The following FAM83A variants were observed in gnomAD, a reference collection of about 807,000 sequenced individuals.
FAM83A encodes protein FAM83A.
In FAM83A, 21 loss-of-function variants were observed where a neutral mutation model predicts 24.4. That is an observed-to-expected ratio of 0.86 (90% CI 0.61 to 1.24). FAM83A has a LOEUF of 1.24. FAM83A is among the 50% of genes most tolerant of loss of function. The pLI, the probability that FAM83A is intolerant of heterozygous loss-of-function variation, is 0.00. For missense variants in FAM83A, 617 were observed against 579.8 expected (o/e 1.06, Z -0.66); for synonymous variants, 270 against 252.4 (o/e 1.07, Z -0.66).
At chr8:123,207,105 T>TCCCCATCCTTCCCCC (rs1824577710) in intron 3 of FAM83A, 52 bp from the exon 4 acceptor site, 1 of 240,160 alleles carries the variant, frequency 4.2e-6, no homozygotes, top group Non-Finnish European at 6.9e-6. Context: ...CCACTTCCCC[T>TCCCCATCCTTCCCCC]CCCCATCCTT....
In FAM83A at chr8:123,209,272, G is replaced by A; in HGVS notation, c.*1584G>A. On this transcript the variant is annotated 3_prime_UTR_variant, in exon 4 of 4. Coordinates refer to ENST00000690554, the Ensembl canonical transcript of FAM83A. This position sits in a 1 kb window ranked among gnomAD's most constrained non-coding sequence, Gnocchi z 4.7. The stretch of plus-strand genomic sequence containing the variant: ...TGGCCTCTGACCCCTGACGGCCTGT[G>A]GCATCCTCCCTAGTCCCCTCTGCCC... The A allele has an allele frequency of 7.7e-7, 1 of 1,296,932 alleles. No individual in the cohort carries two copies. Among genetic ancestry groups the A allele is most frequent in the Non-Finnish European group, 9.7e-7 (1 of 1,030,210 alleles). 80.3% of individuals were successfully genotyped at this position (1,296,932 alleles called of 1,614,324 possible).
intron 3 of FAM83A, among the ~76,000 whole-genome samples, chr8:123,206,939 C>A (rs1261714102): frequency 6.6e-6 from 1 of 150,598 alleles, no homozygotes; most frequent in Non-Finnish European, 1.5e-5. Context: ...TCCTCCTCTT[C>A]TTCCTCCTCC....
At chr8:123,200,475 G>A (rs1008679633) in intron 3 of FAM83A, among the ~76,000 whole-genome samples, 1 of 152,200 alleles carries the variant, frequency 6.6e-6, no homozygotes, top group Admixed American at 6.5e-5. Flanking sequence ...GGAGGAAGCA[G>A]AACTAACATT....
At chr8:123,183,731 T>C (rs527776643) in intron 1 of FAM83A, among the ~76,000 whole-genome samples, 56 of 151,182 alleles carry the variant, frequency 3.7e-4, no homozygotes, top group African/African-American at 1.4e-3. Context: ...CTTCTTGCTC[T>C]GTTGCCCAAG....
At chr8:123,199,152 A>G (rs1824262229) in intron 3 of FAM83A, among the ~76,000 whole-genome samples, 1 of 152,208 alleles carries the variant, frequency 6.6e-6, no homozygotes, top group Admixed American at 6.5e-5. Flanking sequence ...TTGTTGTAAA[A>G]TTAAGTAAAA....
intron 1 of FAM83A, 123 bp from the exon 2 acceptor site, chr8:123,191,680 C>A: frequency 9.9e-7 from 1 of 1,007,392 alleles, no homozygotes; most frequent in Non-Finnish European, 1.5e-6. Context: ...CTACCCCATC[C>A]TCTCCCCTCT....
intron 1 of FAM83A, among the ~76,000 whole-genome samples, chr8:123,188,044 T>TTA (rs11382553): frequency 3.0e-5 from 3 of 98,396 alleles, no homozygotes; most frequent in African/African-American, 9.4e-5. Flanking sequence ...ATTATTATTA[T>TTA]TTTTTTTTTT....
exon 4 of FAM83A, chr8:123,207,232 C>G (rs965733270): frequency 6.2e-7 from 1 of 1,612,498 alleles, no homozygotes; most frequent in Non-Finnish European, 8.5e-7. Context: ...AGCTGTTTGA[C>G]GAGGAGTTCC....
intron 1 of FAM83A, among the ~76,000 whole-genome samples, chr8:123,187,586 A>G (rs907819009): frequency 2.1e-4 from 32 of 152,288 alleles, no homozygotes; most frequent in African/African-American, 7.5e-4. Context: ...GATATTTTAA[A>G]ATAACTATTA....
intron 3 of FAM83A, among the ~76,000 whole-genome samples, chr8:123,195,669 G>A (rs915306236): frequency 6.6e-6 from 1 of 152,102 alleles, no homozygotes; most frequent in Non-Finnish European, 1.5e-5. Context: ...TCAGTGCCTG[G>A]GGAAGGCCCA....
rs1183054462 is a variant in FAM83A, at chr8:123,209,733, A to G, written c.*2045A>G. 3 of 619,586 alleles carry G rather than the reference A, an allele frequency of 4.8e-6. No individual in the cohort carries two copies. The highest frequency in any genetic ancestry group is 2.8e-5 in the East Asian group (1 of 36,282). The allele number at this position is 619,586 out of a possible 1,614,324, so 38.4% of individuals were successfully genotyped here. A position where few individuals can be genotyped will look rare whatever the true frequency, so the allele number is the denominator to read the frequency against. On this transcript the variant is annotated 3_prime_UTR_variant, in exon 4 of 4. Coordinates refer to ENST00000690554, the Ensembl canonical transcript of FAM83A. The surrounding 1 kb of genome is among the most constrained non-coding windows in gnomAD (Gnocchi z 4.7). Reference sequence around the variant, plus strand: ...CCTGCAGGCAGGAACAAGCCCCCCTACTCCTGACCACCCTCCATCAGCAGT... The same window carrying G: ...CCTGCAGGCAGGAACAAGCCCCCCTGCTCCTGACCACCCTCCATCAGCAGT...
chr8:123,197,849 G>T (rs1021603783), intron 3 of FAM83A, among the ~76,000 whole-genome samples: 1 of 152,210 alleles, frequency 6.6e-6, no homozygotes, highest in Non-Finnish European at 1.5e-5. Flanking sequence ...AGTGATCTGG[G>T]CCGGGTGCAG....
At chr8:123,183,406 G>C in intron 1 of FAM83A, 70 bp downstream of exon 1, 2 of 1,542,338 alleles carry the variant, frequency 1.3e-6, no homozygotes, top group Admixed American at 1.9e-5. Flanking sequence ...AGAGCAGGGA[G>C]GGGGGTGCAT....
chr8:123,180,886 G>C (rs890571371), upstream of FAM83A, among the ~76,000 whole-genome samples: 1 of 150,222 alleles, frequency 6.7e-6, no homozygotes, highest in African/African-American at 2.4e-5. Context: ...GGATTCCTTC[G>C]ATGTTCCAAA....
chr8:123,193,232 A>G (rs1051235440), intron 2 of FAM83A, among the ~76,000 whole-genome samples: 2 of 152,066 alleles, frequency 1.3e-5, no homozygotes, highest in Admixed American at 1.3e-4. Flanking sequence ...GTCTATTGCT[A>G]CCTCCACAAA....
At chr8:123,189,139 G>A (rs1442960009) in intron 1 of FAM83A, among the ~76,000 whole-genome samples, 5 of 152,250 alleles carry the variant, frequency 3.3e-5, no homozygotes, top group African/African-American at 9.6e-5. Flanking sequence ...TGCTTTCAGT[G>A]CTATAAGGCT....
chr8:123,183,531 G>C (rs1267088501), intron 1 of FAM83A, among the ~76,000 whole-genome samples, 195 bp downstream of exon 1: 2 of 152,170 alleles, frequency 1.3e-5, no homozygotes, highest in African/African-American at 4.8e-5. Flanking sequence ...CAGGGTCCAG[G>C]CCACCAACAC....
chr8:123,205,134 GA>G (rs1170819292), intron 3 of FAM83A, among the ~76,000 whole-genome samples: 4 of 151,350 alleles, frequency 2.6e-5, no homozygotes, highest in East Asian at 3.9e-4. Flanking sequence ...TAAAAGAAAA[GA>G]AAAAAAAAGC....
intron 1 of FAM83A, among the ~76,000 whole-genome samples, chr8:123,186,658 C>T (rs910118121): frequency 1.3e-5 from 2 of 152,032 alleles, no homozygotes; most frequent in African/African-American, 4.8e-5. Context: ...GGTGAAACCC[C>T]GTCCCTACTA....
Sources: gnomAD v4.1 joint callset for allele counts (sites outside exome capture counted in the v4.1 genomes callset) on GRCh38, gnomAD v4.1.1 for gene constraint, Gnocchi (gnomAD v3.1) non-coding constraint, MANE v1.5 for transcripts, NCBI Gene and HGNC (gene_info 2026-07-23, HGNC 2026-07-21) for gene names.